KIAA1217: variants seen among roughly 807,000 people sequenced by gnomAD.
KIAA1217 encodes the protein KIAA1217.
KIAA1217 carries 88 observed loss-of-function variants against 163.9 expected under a neutral mutation model. The observed-to-expected ratio is 0.54, with a 90% CI of 0.45 to 0.64. KIAA1217 has a LOEUF of 0.64. KIAA1217 is among the 30% of genes least tolerant of loss of function. The pLI is 0.00. For synonymous variants in KIAA1217, 903 were observed against 923.1 expected (o/e 0.98, Z 0.39); for missense variants, 2,372 against 2,475.0 (o/e 0.96, Z 0.88).
chr10:24,002,650 T>C (rs1311273772), intron 1 of KIAA1217, among the ~76,000 whole-genome samples: 2 of 152,148 alleles, frequency 1.3e-5, no homozygotes, highest in Non-Finnish European at 2.9e-5. Context: ...TCAAATGCTA[T>C]TTTTTAAATT....
intron 2 of KIAA1217, among the ~76,000 whole-genome samples, chr10:24,369,656 A>C (rs2051294124): frequency 6.6e-6 from 1 of 152,162 alleles, no homozygotes; most frequent in Admixed American, 6.5e-5. Context: ...TAAGATGTGT[A>C]CTTAGCACCA....
At chr10:24,087,908 C>CCTGGCTAGCCAGTTTTCCTGGCACCAT (rs1564685396) in intron 2 of KIAA1217, among the ~76,000 whole-genome samples, 27 of 132,130 alleles carry the variant, frequency 2.0e-4, no homozygotes, top group Admixed American at 5.1e-4. Context: ...CAGATCAGAG[C>CCTGGCTAGCCAGTTTTCCTGGCACCAT]TGTGGTGGCC....
chr10:24,281,135 G>GAT (rs1168301778), intron 2 of KIAA1217, among the ~76,000 whole-genome samples: 14 of 152,176 alleles, frequency 9.2e-5, no homozygotes, highest in African/African-American at 3.4e-4. Flanking sequence ...AAATTGTGAA[G>GAT]ATAGCACAGA....
intron 1 of KIAA1217, among the ~76,000 whole-genome samples, chr10:23,767,631 G>A (rs576036546): frequency 6.6e-6 from 1 of 152,206 alleles, no homozygotes; most frequent in East Asian, 1.9e-4. Context: ...GAATTTGAGG[G>A]GCGAGGTAAT....
At chr10:24,010,808 G>A (rs987408727) in intron 2 of KIAA1217, among the ~76,000 whole-genome samples, 1 of 152,054 alleles carries the variant, frequency 6.6e-6, no homozygotes, top group African/African-American at 2.4e-5. Flanking sequence ...TGGACAGGAA[G>A]CAAGGCATCT....
chr10:24,242,831 A>G (rs2073270252), intron 2 of KIAA1217, among the ~76,000 whole-genome samples: 1 of 152,066 alleles, frequency 6.6e-6, no homozygotes, highest in African/African-American at 2.4e-5. Flanking sequence ...CATATCTCTG[A>G]TGATTAGTGA....
chr10:23,696,596 T>G (rs570873041), intron 1 of KIAA1217, among the ~76,000 whole-genome samples: 46 of 152,362 alleles, frequency 3.0e-4, no homozygotes, highest in African/African-American at 1.1e-3. Flanking sequence ...TAGATGCTCC[T>G]GCAACAGAGA....
intron 1 of KIAA1217, among the ~76,000 whole-genome samples, chr10:23,931,056 A>G (rs562228140): frequency 1.3e-5 from 2 of 152,296 alleles, no homozygotes; most frequent in South Asian, 2.1e-4. Context: ...ATACTTTTCT[A>G]TAATTTTCTA....
At chr10:23,821,044 C>T (rs1005850085) in intron 1 of KIAA1217, among the ~76,000 whole-genome samples, 3 of 151,438 alleles carry the variant, frequency 2.0e-5, no homozygotes, top group Non-Finnish European at 4.4e-5. Context: ...TTAAGTCAGC[C>T]GTGTCTTTCC....
chr10:23,774,240 C>A (rs1381401965), intron 1 of KIAA1217, among the ~76,000 whole-genome samples: 1 of 152,164 alleles, frequency 6.6e-6, no homozygotes, highest in African/African-American at 2.4e-5. Context: ...CCTGTGAAAA[C>A]ACTTCATATA....
At chr10:24,440,153 A>C (rs1256726346) in intron 5 of KIAA1217, among the ~76,000 whole-genome samples, 4 of 152,208 alleles carry the variant, frequency 2.6e-5, no homozygotes, top group African/African-American at 4.8e-5. Context: ...GTGTGACTTG[A>C]ATTGAAAGCT....
chr10:24,457,921 A>G (rs1310592732), intron 5 of KIAA1217, among the ~76,000 whole-genome samples: 1 of 152,178 alleles, frequency 6.6e-6, no homozygotes, highest in Non-Finnish European at 1.5e-5. Flanking sequence ...CAGTGTCAGG[A>G]GTACAGGGCT....
At chr10:24,005,208 G>A (rs983434336) in intron 1 of KIAA1217, among the ~76,000 whole-genome samples, 1 of 152,178 alleles carries the variant, frequency 6.6e-6, no homozygotes, top group Admixed American at 6.5e-5. Flanking sequence ...GGCTAACAAT[G>A]CCTAGCTGGC....
At position 24,030,422 on chromosome 10, in the gene KIAA1217, A is replaced by G. The variant is rs558205811; in HGVS notation, c.-171+23048A>G. ...CCCCTTTGCTGCCTCTCTCCTGCCAACACGTAAGAAGTGCCTGGCTTCCTC... is the reference window on the plus strand; with the variant it reads ...CCCCTTTGCTGCCTCTCTCCTGCCAGCACGTAAGAAGTGCCTGGCTTCCTC... On this transcript the variant is annotated intron_variant, in intron 2 of 18. Transcript: ENST00000376462. Among the ~76,000 whole-genome samples, 151 of 152,200 alleles carry G rather than the reference A, an allele frequency of 9.9e-4. 1 individual carries two copies. The highest frequency in any genetic ancestry group is 3.5e-3 in the African/African-American group (147 of 41,532).
At chr10:23,773,821 C>G (rs1483404475) in intron 1 of KIAA1217, among the ~76,000 whole-genome samples, 1 of 152,100 alleles carries the variant, frequency 6.6e-6, no homozygotes, top group Admixed American at 6.5e-5. Flanking sequence ...TATCCTGAGA[C>G]TTTGCTGAAG....
At chr10:24,485,368 T>C (rs527979541) in intron 6 of KIAA1217, among the ~76,000 whole-genome samples, 1 of 152,274 alleles carries the variant, frequency 6.6e-6, no homozygotes, top group Non-Finnish European at 1.5e-5. Flanking sequence ...CTTCCTGTAA[T>C]TGACCTTGTC....
Position 24,140,513 on chromosome 10 carries a change from C to A in KIAA1217, c.-170-79113C>A, listed in dbSNP as rs549308980. ...TATACATGACAGTCGATCTGATAAC[C>A]CAGACAGCTCCTAAGTGACTGTGGG... On this transcript the variant is annotated intron_variant, in intron 2 of 18. Coordinates refer to the KIAA1217 transcript ENST00000376462. 4.3e-4 allele frequency among the ~76,000 whole-genome samples: 66 copies of A among 152,256 alleles called. 1 individual carries two copies. The highest frequency in any genetic ancestry group is 1.6e-3 in the African/African-American group (65 of 41,562).
At position 24,255,365 on chromosome 10, in the gene KIAA1217, G is replaced by A. The variant is rs1048849700; in HGVS notation, c.354+35456G>A. ...CTGAGCGGCTGACTGTCAGGGGTGC[G>A]TCAGGCCTGCTTGCTGGGAGAATGG... On this transcript the variant is annotated intron_variant, in intron 2 of 20. Transcript: ENST00000376454. The A allele has an allele frequency of 4.9e-5, 16 of 328,486 alleles. No individual in the cohort carries two copies. In the East Asian group the frequency reaches 4.9e-4, roughly 10 times the overall value. 20.3% of individuals were successfully genotyped at this position (328,486 alleles called of 1,614,324 possible).
At chr10:24,133,920 C>T (rs760925609) in intron 2 of KIAA1217, among the ~76,000 whole-genome samples, 2 of 152,148 alleles carry the variant, frequency 1.3e-5, no homozygotes, top group Non-Finnish European at 2.9e-5. Context: ...TCATCAGAGG[C>T]AGGAGAAAGA....
Sources: gnomAD v4.1 joint callset for allele counts (sites outside exome capture counted in the v4.1 genomes callset) on GRCh38, gnomAD v4.1.1 for gene constraint, MANE v1.5 for transcripts, NCBI Gene and HGNC (gene_info 2026-07-23, HGNC 2026-07-21) for gene names.